ZFYVE1: variants seen among roughly 807,000 people sequenced by gnomAD.
The protein encoded by ZFYVE1 is zinc finger FYVE-type containing 1.
A neutral mutation model predicts 74.4 loss-of-function variants in ZFYVE1; 30 were observed. That is an observed-to-expected ratio of 0.40 (90% CI 0.30 to 0.55). The LOEUF (loss-of-function observed/expected upper bound fraction) is 0.55, where lower values mean the gene tolerates loss of function less well. ZFYVE1 is among the 20% of genes least tolerant of loss of function. The pLI is 0.42. For synonymous variants in ZFYVE1, 335 were observed against 385.1 expected (o/e 0.87, Z 1.52); for missense variants, 703 against 1,011.6 (o/e 0.69, Z 4.14).
At chr14:73,012,037 A>G (rs974274502) in intron 2 of ZFYVE1, among the ~76,000 whole-genome samples, 9 of 150,790 alleles carry the variant, frequency 6.0e-5, no homozygotes, top group Non-Finnish European at 1.2e-4. Context: ...GCAACATAGC[A>G]AGACCCCATC....
intron 5 of ZFYVE1, among the ~76,000 whole-genome samples, chr14:72,980,653 C>T (rs950946568): frequency 1.3e-5 from 2 of 152,044 alleles, no homozygotes; most frequent in East Asian, 1.9e-4. Flanking sequence ...CTGCGGGCTC[C>T]GCCTCCCGGG....
intron 2 of ZFYVE1, among the ~76,000 whole-genome samples, chr14:73,004,495 G>A (rs1405450384): frequency 2.0e-5 from 3 of 152,026 alleles, no homozygotes; most frequent in African/African-American, 7.2e-5. Flanking sequence ...GGGATGGAAA[G>A]AAAACACTCC....
intron 4 of ZFYVE1, among the ~76,000 whole-genome samples, chr14:72,987,490 C>T (rs1186590668): frequency 6.6e-6 from 1 of 152,026 alleles, no homozygotes; most frequent in Non-Finnish European, 1.5e-5. Flanking sequence ...ATGGCTTGGG[C>T]CCAGGAGGCA....
At chr14:72,988,895 C>T (rs907985987) in intron 4 of ZFYVE1, among the ~76,000 whole-genome samples, 2 of 149,406 alleles carry the variant, frequency 1.3e-5, no homozygotes, top group African/African-American at 2.5e-5. Flanking sequence ...TATACATACA[C>T]GCACATGCAC....
chr14:72,993,487 G>A (rs542768632), intron 3 of ZFYVE1, 130 bp from the exon 4 acceptor site: 5 of 707,328 alleles, frequency 7.1e-6, no homozygotes, highest in South Asian at 2.2e-5. Context: ...TGGATCACCC[G>A]AGGTCAGGAG....
chr14:72,978,017 G>A lies in ZFYVE1; in HGVS notation c.1545C>T (p.Gly515=), dbSNP rs778497263. The change falls in exon 8 of 12, where the codon GGC becomes GGT. Residue 515 remains glycine, a synonymous_variant. Transcript: ENST00000556143. Reference sequence around the variant, plus strand: ...AGTACTGCCGACTACGATAGACCACGCCACAGTTAGGACATTCGATCACAT... The same window carrying A: ...AGTACTGCCGACTACGATAGACCACACCACAGTTAGGACATTCGATCACAT... The part of the protein sequence containing the change: ...SGYVIECPNC[G]VVYRSRQYWF... 2.9e-5 allele frequency: 47 copies of A among 1,614,000 alleles called. No individual in the cohort carries two copies. The highest frequency in any genetic ancestry group is 1.1e-4 in the African/African-American group (8 of 74,874).
intron 2 of ZFYVE1, among the ~76,000 whole-genome samples, chr14:73,008,603 G>A (rs892286516): frequency 2.0e-5 from 3 of 152,130 alleles, no homozygotes; most frequent in African/African-American, 4.8e-5. Flanking sequence ...AGCTTTCCAA[G>A]GCAAAGATGA....
Position 72,975,402 on chromosome 14 carries a change from G to T in ZFYVE1, c.1806+149C>A. On this transcript the variant is annotated intron_variant, in intron 9 of 11. Coordinates refer to ENST00000556143, the MANE Select transcript of ZFYVE1 (RefSeq NM_021260.4). The surrounding 1 kb of genome is among the most constrained non-coding windows in gnomAD (Gnocchi z 4.1). The stretch of plus-strand genomic sequence containing the variant: ...GCAAAGAGAAACTGGCTGCCTCAAC[G>T]ACTCCTCCCCTTGCCGGTACTCACA... 1 of 990,838 alleles carries T rather than the reference G, an allele frequency of 1.0e-6. No individual in the cohort carries two copies. The highest frequency in any genetic ancestry group is 1.5e-6 in the Non-Finnish European group (1 of 683,650). The allele number at this position is 990,838 out of a possible 1,614,324, so 61.4% of individuals were successfully genotyped here. A position where few individuals can be genotyped will look rare whatever the true frequency, so the allele number is the denominator to read the frequency against.
intron 4 of ZFYVE1, among the ~76,000 whole-genome samples, chr14:72,985,511 T>C (rs558525895): frequency 2.0e-5 from 3 of 151,836 alleles, no homozygotes; most frequent in African/African-American, 7.2e-5. Flanking sequence ...TTTTTTTTTT[T>C]AGTAGAGACA....
At position 73,024,082 on chromosome 14, in the gene ZFYVE1, T is replaced by C; in HGVS notation, c.427A>G (p.Lys143Glu). The change falls in exon 2 of 12, where the codon AAG becomes GAG. Residue 143 changes from lysine to glutamate, a missense_variant. By Grantham distance (56) the Lys-to-Glu change is moderately conservative. Around this residue, in one of 2 missense-constraint regions of ZFYVE1, gnomAD observed 211 missense variants for 221.7 expected, o/e 0.95. Coordinates refer to ENST00000556143, the MANE Select transcript of ZFYVE1 (RefSeq NM_021260.4). ...EEMDEETKRK[K>E]MTEKVVSFLL... ...AAACTCACAACCTTCTCAGTCATCTTCTTCCTCTTGGTCTCCTCATCCATC... is the reference window on the plus strand; with the variant it reads ...AAACTCACAACCTTCTCAGTCATCTCCTTCCTCTTGGTCTCCTCATCCATC... 2 of 1,614,228 alleles carry C rather than the reference T, an allele frequency of 1.2e-6. No individual in the cohort carries two copies. The highest frequency in any genetic ancestry group is 1.7e-6 in the Non-Finnish European group (2 of 1,180,050).
intron 5 of ZFYVE1, among the ~76,000 whole-genome samples, chr14:72,980,924 G>A (rs2140349717): frequency 6.6e-6 from 1 of 152,290 alleles, no homozygotes; most frequent in South Asian, 2.1e-4. Flanking sequence ...ATTAGAAACT[G>A]TGGAGGGGGC....
intron 7 of ZFYVE1, 25 bp downstream of exon 7, chr14:72,978,112 C>T: frequency 1.2e-6 from 2 of 1,614,034 alleles, no homozygotes; most frequent in East Asian, 2.2e-5. Context: ...ACCAGAAAAC[C>T]TTGAGCCATG....
rs1443848261 is a variant in ZFYVE1 at position 72,978,009 on chromosome 14, T to C, written c.1553A>G (p.Tyr518Cys). 3.1e-6 allele frequency: 5 copies of C among 1,614,084 alleles called. No homozygotes were observed. Among genetic ancestry groups the C allele is most frequent in the East Asian group, 2.2e-5 (1 of 44,902 alleles). ...VIECPNCGVV[Y>C]RSRQYWFGNQ... ...TCCAAACCAGTACTGCCGACTACGATAGACCACGCCACAGTTAGGACATTC... is the reference window on the plus strand; with the variant it reads ...TCCAAACCAGTACTGCCGACTACGACAGACCACGCCACAGTTAGGACATTC... The change falls in exon 8 of 12, where the codon TAT becomes TGT. Residue 518 changes from tyrosine to cysteine, a missense_variant. Transcript: ENST00000556143.
intron 4 of ZFYVE1, among the ~76,000 whole-genome samples, chr14:72,988,044 T>G (rs941565752): frequency 6.6e-6 from 1 of 152,166 alleles, no homozygotes; most frequent in Admixed American, 6.5e-5. Context: ...GTTCTTCTCA[T>G]TCATCACATT....
At chr14:73,015,023 G>A (rs1171599366) in intron 2 of ZFYVE1, among the ~76,000 whole-genome samples, 1 of 151,810 alleles carries the variant, frequency 6.6e-6, no homozygotes, top group Non-Finnish European at 1.5e-5. Flanking sequence ...TTGAGGTCTG[G>A]AGTTTGAGAC....
intron 4 of ZFYVE1, 36 bp downstream of exon 4, chr14:72,993,107 C>A (rs1893658497): frequency 6.5e-7 from 1 of 1,537,772 alleles, no homozygotes; most frequent in Admixed American, 2.0e-5. Flanking sequence ...CCACTGGCAC[C>A]CCAATGAGAA....
At chr14:72,973,294 G>A (rs1020724983) in intron 11 of ZFYVE1, among the ~76,000 whole-genome samples, 5 of 151,940 alleles carry the variant, frequency 3.3e-5, no homozygotes, top group African/African-American at 9.7e-5. Context: ...TTCGGGACCA[G>A]CCTGGTCAAC....
intron 2 of ZFYVE1, among the ~76,000 whole-genome samples, chr14:73,016,588 A>G (rs371776109): frequency 6.6e-6 from 1 of 152,058 alleles, no homozygotes; most frequent in Admixed American, 6.6e-5. Context: ...GCCTAGAAAA[A>G]TCAATGAATA....
intron 4 of ZFYVE1, among the ~76,000 whole-genome samples, chr14:72,985,812 T>A (rs1034370763): frequency 1.3e-5 from 2 of 151,384 alleles, no homozygotes; most frequent in Non-Finnish European, 2.9e-5. Flanking sequence ...TGAGACAGGG[T>A]CTTACTATGT....
Sources: allele counts gnomAD v4.1 joint callset (sites outside exome capture counted in the v4.1 genomes callset), GRCh38; gene constraint gnomAD v4.1.1; regional missense constraint gnomAD v4.1.1; non-coding constraint Gnocchi (gnomAD v3.1); transcripts MANE v1.5; gene names NCBI Gene and HGNC (gene_info 2026-07-23, HGNC 2026-07-21).